NECAB3: variants seen among roughly 807,000 people sequenced by gnomAD.
NECAB3 encodes the protein N-terminal EF-hand calcium-binding protein 3.
Under a neutral mutation model 57.2 loss-of-function variants are expected in NECAB3, and 38 were observed. That is an observed-to-expected ratio of 0.66 (90% CI 0.51 to 0.87). The LOEUF is 0.87. NECAB3 is among the 40% of genes least tolerant of loss of function. NECAB3 has a pLI of 0.00. For synonymous variants in NECAB3, 223 were observed against 222.6 expected (o/e 1.00, Z -0.02); for missense variants, 474 against 527.5 (o/e 0.90, Z 0.99).
At chr20:33,669,241 T>C (rs1197934875) in intron 5 of NECAB3, 134 bp downstream of exon 5, 1 of 830,206 alleles carries the variant, frequency 1.2e-6, no homozygotes, top group Non-Finnish European at 1.9e-6. Flanking sequence ...GGGGCACAGC[T>C]ACAAAGTGGG....
Position 33,659,641 on chromosome 20 carries a change from C to T in NECAB3, c.735G>A (p.Val245=), listed in dbSNP as rs1322878480. 1.2e-6 allele frequency: 2 copies of T among 1,610,654 alleles called. No individual in the cohort carries two copies. Among genetic ancestry groups the T allele is most frequent in the Non-Finnish European group, 1.7e-6 (2 of 1,179,276 alleles). The stretch of plus-strand genomic sequence containing the variant: ...GTCCTCCCTTGTGGGGCCCTGGCCC[C>T]ACGGCCCTCACCTTGCACTCGAGCT... The part of the protein sequence containing the change: ...IDQLECKVRA[V]GPGPHKGGPS... Residue 245 remains valine, a synonymous_variant, in exon 8 of 12, where the codon GTG becomes GTA. Transcript: ENST00000246190.
chr20:33,662,360 T>A (rs559756037), intron 5 of NECAB3: 2 of 1,551,250 alleles, frequency 1.3e-6, no homozygotes, highest in African/African-American at 2.7e-5. Context: ...GAAACTATAG[T>A]TCCCACAAAA....
rs762226573 is a variant in NECAB3 at position 33,659,726 on chromosome 20, C to G, written c.650G>C (p.Ser217Thr). 8.1e-6 allele frequency: 13 copies of G among 1,597,030 alleles called. No individual in the cohort carries two copies. In the East Asian group the frequency reaches 2.7e-4, roughly 33 times the overall value. The change falls in exon 8 of 12, where the codon AGC becomes ACC. Residue 217 changes from serine (S) to threonine (T), a missense_variant. Physicochemically the swap from Ser to Thr is moderately conservative, Grantham distance 58 (BLOSUM62 1). Transcript: ENST00000246190. ...WSPGSSDTGR[S>T]SEAEMQWRLQ... ...CCGCCACTGCATCTCGGCCTCTGAG[C>G]TGCGCCCTGTGTGTGGGGCCCGTGC...
In NECAB3 at chr20:33,660,267, A is replaced by G; in HGVS notation, c.516T>C (p.His172=). ...GASDTLEAQA[H]GWRSDAESVE... The stretch of plus-strand genomic sequence containing the variant: ...ACAGCACCCTTACATACCGCCAGCC[A>G]TGGGCCTGGGCCTCCAGGGTATCTG... The change falls in exon 6 of 12, where the codon CAT becomes CAC. Residue 172 remains histidine, a synonymous_variant. Coordinates refer to ENST00000246190, the MANE Select transcript of NECAB3 (RefSeq NM_031232.4). This position sits in a 1 kb window ranked among gnomAD's most constrained non-coding sequence, Gnocchi z 4.1. 4 of 1,612,904 alleles carry G rather than the reference A, an allele frequency of 2.5e-6. No individual in the cohort carries two copies. Among genetic ancestry groups the G allele is most frequent in the East Asian group, 2.2e-5 (1 of 44,866 alleles).
rs753358743 is a variant in NECAB3, at chr20:33,660,519, G to C, written c.388-124C>G. ...CCAAGAGCAGGGGCACGCAAACCTG[G>C]CACAGGCAGGAGGGTACTGAGACCT... On this transcript the variant is annotated intron_variant, in intron 5 of 11. Coordinates refer to ENST00000246190, the MANE Select transcript of NECAB3 (RefSeq NM_031232.4). The surrounding 1 kb of genome is among the most constrained non-coding windows in gnomAD (Gnocchi z 4.1). 1.1e-5 allele frequency: 14 copies of C among 1,301,496 alleles called. No individual in the cohort carries two copies. Among genetic ancestry groups the C allele is most frequent in the Non-Finnish European group, 1.5e-5 (14 of 948,196 alleles). 80.6% of individuals were successfully genotyped at this position (1,301,496 alleles called of 1,614,324 possible).
rs760303601 is a variant in NECAB3, at chr20:33,672,421, A to C, written c.131T>G (p.Val44Gly). ...ACCATTCTTGTCTGCTCTGCGGAAA[A>C]CCTAGAGGACAAAGGGACATAGAGA... Reference protein sequence around the residue: ...GPAGHTLFQDVFRRADKNDDG... With the variant: ...GPAGHTLFQDGFRRADKNDDG... Residue 44 changes from valine (V) to glycine (G), a missense_variant and splice_region_variant, in exon 2 of 12, where the codon GTT (valine) becomes GGT (glycine). Coordinates refer to ENST00000246190, the MANE Select transcript of NECAB3 (RefSeq NM_031232.4). 2.9e-5 allele frequency: 46 copies of C among 1,613,906 alleles called. No homozygotes were observed. Among genetic ancestry groups the C allele is most frequent in the Non-Finnish European group, 3.6e-5 (43 of 1,179,990 alleles).
intron 5 of NECAB3, chr20:33,664,000 C>A: frequency 1.3e-6 from 1 of 751,144 alleles, no homozygotes; most frequent in South Asian, 2.4e-5. Flanking sequence ...GTGAACGGGG[C>A]GTGATGAAGG....
At chr20:33,667,196 A>C in intron 5 of NECAB3, 3 of 295,774 alleles carry the variant, frequency 1.0e-5, no homozygotes, top group East Asian at 5.4e-5. Flanking sequence ...GCGGGCGAGA[A>C]CCAGCCGCGC....
Position 33,669,671 on chromosome 20 carries a change from C to T in NECAB3, c.289+16G>A. 6.3e-7 allele frequency: 1 copy of T among 1,590,220 alleles called. No individual in the cohort carries two copies. Among genetic ancestry groups the T allele is most frequent in the Non-Finnish European group, 8.6e-7 (1 of 1,168,474 alleles). On this transcript the variant is annotated intron_variant, in intron 4 of 11. Transcript: ENST00000246190. Reference sequence around the variant, plus strand: ...CAGGGGCCACAGGAGAAAAGAGCTCCCATGGGCCTACTCACCACACAGTTT... The same window carrying T: ...CAGGGGCCACAGGAGAAAAGAGCTCTCATGGGCCTACTCACCACACAGTTT...
intron 5 of NECAB3, chr20:33,667,366 C>A: frequency 8.3e-7 from 1 of 1,201,214 alleles, no homozygotes; most frequent in Non-Finnish European, 1.1e-6. Context: ...GGAGCGCCTG[C>A]TGGTGGGCGG....
intron 5 of NECAB3, 35 bp downstream of exon 5, chr20:33,669,338 TCA>T (rs776257689): frequency 6.3e-7 from 1 of 1,591,292 alleles, no homozygotes; most frequent in Admixed American, 1.7e-5. Context: ...GCCCACTGCC[TCA>T]CAGTGGATCC....
At chr20:33,670,578 C>G (rs1428274529) in intron 3 of NECAB3, 106 bp downstream of exon 3, 1 of 759,580 alleles carries the variant, frequency 1.3e-6, no homozygotes, top group African/African-American at 1.8e-5. Flanking sequence ...ACCTTTCTCC[C>G]TGCCCCCTCT....
intron 5 of NECAB3, chr20:33,667,297 C>A: frequency 1.6e-6 from 1 of 610,990 alleles, no homozygotes; most frequent in Non-Finnish European, 2.4e-6. Context: ...CGGCGTGGCG[C>A]GGGCGCACCC....
intron 3 of NECAB3, chr20:33,670,274 T>C (rs1039927494): frequency 2.1e-5 from 4 of 186,566 alleles, no homozygotes; most frequent in African/African-American, 7.1e-5. Context: ...TGTGCACCCC[T>C]GGGAGCAGGC....
At position 33,659,508 on chromosome 20, in the gene NECAB3, C is replaced by T; in HGVS notation, c.868G>A (p.Gly290Arg). 2 of 1,492,774 alleles carry T rather than the reference C, an allele frequency of 1.3e-6. No individual in the cohort carries two copies. Among genetic ancestry groups the T allele is most frequent in the Non-Finnish European group, 1.8e-6 (2 of 1,115,194 alleles). The allele number at this position is 1,492,774 out of a possible 1,614,324, so 92.5% of individuals were successfully genotyped here. A position where few individuals can be genotyped will look rare whatever the true frequency, so the allele number is the denominator to read the frequency against. Residue 290 changes from glycine to arginine, a missense_variant, in exon 8 of 12, where the codon GGG (glycine) becomes AGG (arginine). Coordinates refer to ENST00000246190, the MANE Select transcript of NECAB3 (RefSeq NM_031232.4). ...TCTCCTGGGCTCACCAAGTCAGGCCCCTTGGCCAGGTCCTCTTCACGCAGG... is the reference window on the plus strand; with the variant it reads ...TCTCCTGGGCTCACCAAGTCAGGCCTCTTGGCCAGGTCCTCTTCACGCAGG... Reference protein sequence around the residue: ...EPLREEDLAKGPDLHILMAQR... With the variant: ...EPLREEDLAKRPDLHILMAQR...
chr20:33,663,135 C>G (rs922362748), intron 5 of NECAB3, among the ~76,000 whole-genome samples: 2 of 152,172 alleles, frequency 1.3e-5, no homozygotes, highest in African/African-American at 4.8e-5. Context: ...CTAGTGTCCT[C>G]TCTTCAGCTC....
chr20:33,657,774 G>T lies in NECAB3; in HGVS notation c.*55C>A. 2 of 1,483,180 alleles carry T rather than the reference G, an allele frequency of 1.3e-6. No homozygotes were observed. Among genetic ancestry groups the T allele is most frequent in the Non-Finnish European group, 1.8e-6 (2 of 1,112,318 alleles). The allele number at this position is 1,483,180 out of a possible 1,614,324, so 91.9% of individuals were successfully genotyped here. A position where few individuals can be genotyped will look rare whatever the true frequency, so the allele number is the denominator to read the frequency against. On this transcript the variant is annotated 3_prime_UTR_variant, in exon 12 of 12. Coordinates refer to ENST00000246190, the MANE Select transcript of NECAB3 (RefSeq NM_031232.4). ...TTGCGCTGGGCTGGCCAGTCCAGAAGGCTCCAGAGGGAGGCAGGCAGGGTC... is the reference window on the plus strand; with the variant it reads ...TTGCGCTGGGCTGGCCAGTCCAGAATGCTCCAGAGGGAGGCAGGCAGGGTC...
At chr20:33,671,655 T>A (rs2122522673) in intron 2 of NECAB3, among the ~76,000 whole-genome samples, 1 of 152,338 alleles carries the variant, frequency 6.6e-6, no homozygotes. Context: ...CACAGTGGGC[T>A]GCTCCAAGTC....
rs372752510 is a variant in NECAB3 at position 33,660,050 on chromosome 20, G to T, written c.525-47C>A. 7.7e-6 allele frequency: 12 copies of T among 1,548,862 alleles called. No homozygotes were observed. The highest frequency in any genetic ancestry group is 1.0e-5 in the Non-Finnish European group (12 of 1,146,896). On this transcript the variant is annotated intron_variant, in intron 6 of 11. Coordinates refer to ENST00000246190, the MANE Select transcript of NECAB3 (RefSeq NM_031232.4). The surrounding 1 kb of genome is among the most constrained non-coding windows in gnomAD (Gnocchi z 4.1). ...GGGCCGAGGACTGGGGCCCCAGGAC[G>T]GGATAAGCCTGGGTGGGGAAGACAA...
Sources: allele counts gnomAD v4.1 joint callset (sites outside exome capture counted in the v4.1 genomes callset), GRCh38; gene constraint gnomAD v4.1.1; non-coding constraint Gnocchi (gnomAD v3.1); transcripts MANE v1.5; gene names NCBI Gene and HGNC (gene_info 2026-07-23, HGNC 2026-07-21).